The following PPM1L variants were observed in gnomAD, a reference collection of about 807,000 sequenced individuals.
PPM1L encodes the protein protein phosphatase, Mg2+/Mn2+ dependent 1L.
PPM1L carries 13 observed loss-of-function variants against 31.4 expected under a neutral mutation model. The observed-to-expected ratio is 0.41, with a 90% confidence interval of 0.27 to 0.66. PPM1L has a LOEUF of 0.66. PPM1L is among the 30% of genes least tolerant of loss of function. The pLI is 0.29. For synonymous variants in PPM1L, 184 were observed against 175.4 expected, an observed-to-expected ratio of 1.05 and a Z score of -0.39; for missense variants, 326 against 453.7, an observed-to-expected ratio of 0.72 and a Z score of 2.56.
At chr3:160,763,092 T>C (rs1218836363) in intron 1 of PPM1L, among the ~76,000 whole-genome samples, 1 of 152,192 alleles carries the variant, frequency 6.6e-6, no homozygotes, top group Non-Finnish European at 1.5e-5. Flanking sequence ...TAGTCTCTGG[T>C]TGTCTCTAGA....
At chr3:160,781,095 T>A (rs1182972323) in intron 1 of PPM1L, among the ~76,000 whole-genome samples, 1 of 152,242 alleles carries the variant, frequency 6.6e-6, no homozygotes, top group Non-Finnish European at 1.5e-5. Context: ...TACGTTGCTA[T>A]TCTCTAACTT....
chr3:160,855,908 A>T (rs533421565), intron 1 of PPM1L, among the ~76,000 whole-genome samples: 6 of 152,244 alleles, frequency 3.9e-5, no homozygotes, highest in African/African-American at 1.4e-4. Flanking sequence ...ATAGATGTAT[A>T]TATAAAGGGG....
intron 1 of PPM1L, among the ~76,000 whole-genome samples, chr3:160,804,461 T>C (rs967597888): frequency 2.6e-5 from 4 of 152,230 alleles, no homozygotes; most frequent in Non-Finnish European, 1.5e-5. Flanking sequence ...ATGGTAATTA[T>C]ATGTTTTCTC....
intron 1 of PPM1L, among the ~76,000 whole-genome samples, chr3:160,904,317 A>T (rs958165319): frequency 6.6e-6 from 1 of 152,186 alleles, no homozygotes; most frequent in Non-Finnish European, 1.5e-5. Context: ...AGCATATATG[A>T]TGTTCTTTCA....
chr3:160,790,162 C>A (rs990907656), intron 1 of PPM1L, among the ~76,000 whole-genome samples: 5 of 152,020 alleles, frequency 3.3e-5, no homozygotes, highest in African/African-American at 1.2e-4. Flanking sequence ...CACACAGATA[C>A]AGAGGGCTGT....
At chr3:160,995,064 G>A (rs1717265029) in intron 2 of PPM1L, among the ~76,000 whole-genome samples, 1 of 152,202 alleles carries the variant, frequency 6.6e-6, no homozygotes, top group Non-Finnish European at 1.5e-5. Context: ...TTATTAAAAG[G>A]TGGTGTAAAA....
At chr3:160,855,831 C>T (rs1485008703) in intron 1 of PPM1L, among the ~76,000 whole-genome samples, 2 of 152,102 alleles carry the variant, frequency 1.3e-5, no homozygotes, top group South Asian at 2.1e-4. Flanking sequence ...AAACAGAACT[C>T]CCATTCGACC....
At chr3:160,901,615 CACTT>C (rs1274198339) in intron 1 of PPM1L, among the ~76,000 whole-genome samples, 2 of 152,136 alleles carry the variant, frequency 1.3e-5, no homozygotes, top group African/African-American at 4.8e-5. Context: ...CTTCCTCCCC[CACTT>C]ACTTCAGGAC....
In PPM1L at chr3:160,814,796, C is replaced by A. The variant is rs565116565; in HGVS notation, c.399+58089C>A. 1.1e-4 allele frequency among the ~76,000 whole-genome samples: 16 copies of A among 151,108 alleles called. No individual in the cohort carries two copies. The East Asian group carries it at 2.9e-3, about 28-fold the overall frequency. On this transcript the variant is annotated intron_variant, in intron 1 of 3. Coordinates refer to ENST00000498165, the MANE Select transcript of PPM1L (RefSeq NM_139245.4). ...TATACACCACATAATGGTATATAAACACATACCATGGAATACTACTCAGCC... is the reference window on the plus strand; with the variant it reads ...TATACACCACATAATGGTATATAAAAACATACCATGGAATACTACTCAGCC...
intron 1 of PPM1L, among the ~76,000 whole-genome samples, chr3:160,900,620 T>C (rs775410458): frequency 3.9e-5 from 6 of 152,106 alleles, no homozygotes; most frequent in Admixed American, 6.6e-5. Context: ...ATAGGTGTAC[T>C]TTACCTATAC....
At position 160,958,222 on chromosome 3, in the gene PPM1L, A is replaced by G. The variant is rs1471006679; in HGVS notation, c.400-3514A>G. Among the ~76,000 whole-genome samples, 7 of 152,266 alleles carry G rather than the reference A, an allele frequency of 4.6e-5. No individual in the cohort carries two copies. In the East Asian group the frequency reaches 1.2e-3, roughly 25 times the overall value. Reference sequence around the variant, plus strand: ...ATTGCTTTTGGTGTCTTCAGCATGAAATCTTTGGCCATGCCTATGTCCTGA... The same window carrying G: ...ATTGCTTTTGGTGTCTTCAGCATGAGATCTTTGGCCATGCCTATGTCCTGA... On this transcript the variant is annotated intron_variant, in intron 1 of 3. Transcript: ENST00000498165.
chr3:160,961,760 C>T lies in PPM1L; in HGVS notation c.424C>T (p.Arg142Ter), dbSNP rs1181263708. The change falls in exon 2 of 4, where the codon CGA becomes TGA. Residue 142 changes from arginine to a stop codon, truncating the protein, a stop_gained. Transcript: ENST00000498165. LOFTEE classifies it high-confidence loss of function. ...GETAAEYVKS[R>*]LPEALKQHLQ... Reference sequence around the variant, plus strand: ...GACTGCAGCTGAATATGTAAAATCTCGACTCCCAGAGGCCCTTAAACAGCA... The same window carrying T: ...GACTGCAGCTGAATATGTAAAATCTTGACTCCCAGAGGCCCTTAAACAGCA... 2 of 1,585,122 alleles carry T rather than the reference C, an allele frequency of 1.3e-6. No individual in the cohort carries two copies. The highest frequency in any genetic ancestry group is 1.7e-6 in the Non-Finnish European group (2 of 1,169,998).
intron 2 of PPM1L, among the ~76,000 whole-genome samples, chr3:161,055,306 G>C (rs1322412104): frequency 6.6e-6 from 1 of 152,106 alleles, no homozygotes; most frequent in East Asian, 1.9e-4. Flanking sequence ...CAAGAGTAGG[G>C]GTCAGGGAGT....
intron 1 of PPM1L, among the ~76,000 whole-genome samples, chr3:160,851,127 A>G (rs1478575957): frequency 2.0e-5 from 3 of 152,184 alleles, no homozygotes; most frequent in African/African-American, 7.2e-5. Flanking sequence ...GTTAAATTTC[A>G]CTTACCTTAT....
At chr3:161,049,360 C>T (rs554194874) in intron 2 of PPM1L, among the ~76,000 whole-genome samples, 2 of 152,218 alleles carry the variant, frequency 1.3e-5, no homozygotes, top group South Asian at 2.1e-4. Context: ...CAACATGATG[C>T]TTAAAGGAAA....
chr3:160,853,416 A>G (rs1185182895), intron 1 of PPM1L, among the ~76,000 whole-genome samples: 1 of 152,008 alleles, frequency 6.6e-6, no homozygotes, highest in Non-Finnish European at 1.5e-5. Flanking sequence ...AGATCTAGAT[A>G]GAGCAGAAAA....
At chr3:161,013,850 GT>G (rs888856270) in intron 2 of PPM1L, among the ~76,000 whole-genome samples, 3 of 151,530 alleles carry the variant, frequency 2.0e-5, no homozygotes, top group African/African-American at 7.3e-5. Flanking sequence ...TGCAACCCCT[GT>G]TTTTTTTGTT....
chr3:160,783,736 C>CGGGA (rs1433781000), intron 1 of PPM1L, among the ~76,000 whole-genome samples: 2 of 152,044 alleles, frequency 1.3e-5, no homozygotes, highest in Admixed American at 6.5e-5. Flanking sequence ...ACCATGTTCC[C>CGGGA]CCTCTGGATG....
chr3:161,011,336 G>A (rs996466121), intron 2 of PPM1L, among the ~76,000 whole-genome samples: 1 of 152,196 alleles, frequency 6.6e-6, no homozygotes, highest in East Asian at 1.9e-4. Context: ...TAGATGTGTG[G>A]TATTATTTCT....
Sources: allele counts gnomAD v4.1 joint callset (sites outside exome capture counted in the v4.1 genomes callset), GRCh38; gene constraint gnomAD v4.1.1; transcripts MANE v1.5; gene names NCBI Gene and HGNC (gene_info 2026-07-23, HGNC 2026-07-21).